The following P2RY6 variants were observed in gnomAD, a reference collection of about 807,000 sequenced individuals.
P2RY6 encodes P2Y purinoceptor 6.
A neutral mutation model predicts 16.3 loss-of-function variants in P2RY6; 19 were observed. The observed-to-expected ratio is 1.16, with a 90% CI of 0.81 to 1.71. The LOEUF is 1.71. P2RY6 is among the 40% of genes most tolerant of loss of function. The pLI is 0.00. For synonymous variants in P2RY6, 184 were observed against 201.5 expected (o/e 0.91, Z 0.74); for missense variants, 389 against 455.5 (o/e 0.85, Z 1.33).
intron 1 of P2RY6, among the ~76,000 whole-genome samples, chr11:73,267,098 C>T (rs964165085): frequency 2.6e-5 from 4 of 152,188 alleles, no homozygotes; most frequent in Non-Finnish European, 4.4e-5. Flanking sequence ...GTCTACAATT[C>T]GAACTCCAAC....
rs1241046199 is a variant in P2RY6, at chr11:73,296,243, T to A, written c.-34-242T>A. Among the ~76,000 whole-genome samples the A allele has an allele frequency of 1.1e-3, 159 of 142,196 alleles. 1 individual carries two copies. The highest frequency in any genetic ancestry group is 4.0e-3 in the African/African-American group (155 of 38,518). The allele number at this position is 142,196 out of a possible 152,430, so 93.3% of individuals were successfully genotyped here. On this transcript the variant is annotated intron_variant, in intron 2 of 2. Transcript: ENST00000540124. ...TGAAGGAAAAAAAAAAATATATATA[T>A]ATATATATATATATAATATATAAAC...
intron 1 of P2RY6, among the ~76,000 whole-genome samples, chr11:73,280,547 C>T (rs763739323): frequency 5.3e-5 from 8 of 152,160 alleles, no homozygotes; most frequent in Non-Finnish European, 1.0e-4. Flanking sequence ...ACCATCCCTC[C>T]ATGCCTGTGT....
chr11:73,289,841 T>C (rs112820713), intron 1 of P2RY6, among the ~76,000 whole-genome samples: 8 of 152,370 alleles, frequency 5.3e-5, no homozygotes, highest in African/African-American at 1.9e-4. Flanking sequence ...CCTTAGTTTC[T>C]TCGTCTATAA....
At chr11:73,280,737 C>T (rs1270323803) in intron 1 of P2RY6, among the ~76,000 whole-genome samples, 1 of 152,196 alleles carries the variant, frequency 6.6e-6, no homozygotes, top group Non-Finnish European at 1.5e-5. Context: ...GGAAACAGCA[C>T]TGACGAGGGG....
chr11:73,271,317 C>A (rs966954911), upstream of P2RY6, among the ~76,000 whole-genome samples: 1 of 152,134 alleles, frequency 6.6e-6, no homozygotes. Flanking sequence ...CAGGACGAGC[C>A]GCGGACAAAA....
At chr11:73,270,572 G>T (rs574854733), upstream of P2RY6, among the ~76,000 whole-genome samples, 48 of 152,312 alleles carry the variant, frequency 3.2e-4, no homozygotes, top group African/African-American at 1.1e-3. Flanking sequence ...TGGGTCCAGC[G>T]CCCTCTCGCC....
upstream of P2RY6, among the ~76,000 whole-genome samples, chr11:73,269,340 G>A (rs530319129): frequency 6.6e-6 from 1 of 152,260 alleles, no homozygotes; most frequent in East Asian, 1.9e-4. Flanking sequence ...AGCTGGGAGA[G>A]CCTGCGCCTG....
In P2RY6 at chr11:73,297,593, G is replaced by C; in HGVS notation, c.*88G>C. ...CAACCCCAAACCATGCGGAGAATTA[G>C]AGTTCAGCTCAGCTGGGCATGGAGT... On this transcript the variant is annotated 3_prime_UTR_variant, in exon 3 of 3. Transcript: ENST00000540124. 9.5e-7 allele frequency: 1 copy of C among 1,050,990 alleles called. No individual in the cohort carries two copies. The highest frequency in any genetic ancestry group is 1.4e-6 in the Non-Finnish European group (1 of 713,222). 65.1% of individuals were successfully genotyped at this position (1,050,990 alleles called of 1,614,324 possible).
At chr11:73,286,768 T>TCTGACA (rs1863990312) in intron 1 of P2RY6, among the ~76,000 whole-genome samples, 1 of 151,556 alleles carries the variant, frequency 6.6e-6, no homozygotes, top group African/African-American at 2.4e-5. Flanking sequence ...AGGGAGGGAG[T>TCTGACA]CTGACACCGC....
At chr11:73,285,148 G>T (rs1863919019) in intron 1 of P2RY6, among the ~76,000 whole-genome samples, 1 of 152,188 alleles carries the variant, frequency 6.6e-6, no homozygotes, top group South Asian at 2.1e-4. Context: ...ATAGCTCACT[G>T]CAGCCTTGGC....
chr11:73,286,622 G>A (rs1253490873), intron 1 of P2RY6, among the ~76,000 whole-genome samples: 4 of 151,030 alleles, frequency 2.6e-5, no homozygotes, highest in Non-Finnish European at 5.9e-5. Flanking sequence ...ACAGAGCCCC[G>A]GCGCTCATCT....
Position 73,297,908 on chromosome 11 carries a change from G to A in P2RY6, c.*403G>A, listed in dbSNP as rs1180711379. ...GGAAGGGGCATTTGAGCTGGGTTTT[G>A]AGGGATGATTATGAGCTCTCTGGAG... On this transcript the variant is annotated 3_prime_UTR_variant, in exon 3 of 3. Coordinates refer to ENST00000540124, the MANE Select transcript of P2RY6 (RefSeq NM_001277204.2). The A allele has an allele frequency of 1.3e-5, 3 of 224,408 alleles. No individual in the cohort carries two copies. The highest frequency in any genetic ancestry group is 4.6e-5 in the African/African-American group (2 of 43,216). 13.9% of individuals were successfully genotyped at this position (224,408 alleles called of 1,614,324 possible). A position where few individuals can be genotyped will look rare whatever the true frequency, so the allele number is the denominator to read the frequency against.
chr11:73,278,420 T>C (rs1863630299), intron 1 of P2RY6, among the ~76,000 whole-genome samples: 1 of 152,108 alleles, frequency 6.6e-6, no homozygotes, highest in Non-Finnish European at 1.5e-5. Flanking sequence ...CGCCTAGGCC[T>C]CCCAAAATGC....
At chr11:73,269,087 C>T (rs1313056769), upstream of P2RY6, among the ~76,000 whole-genome samples, 1 of 152,162 alleles carries the variant, frequency 6.6e-6, no homozygotes, top group Non-Finnish European at 1.5e-5. Flanking sequence ...GGCGGCAGGG[C>T]CTCGGGGGTA....
chr11:73,266,031 A>G (rs1018467064), intron 1 of P2RY6, among the ~76,000 whole-genome samples: 1 of 152,346 alleles, frequency 6.6e-6, no homozygotes, highest in East Asian at 1.9e-4. Context: ...TGACAAAACT[A>G]TGATGATAGT....
In P2RY6 at chr11:73,297,265, C is replaced by T. The variant is rs755937132; in HGVS notation, c.747C>T (p.Ala249=). Reference sequence around the variant, plus strand: ...CCGTGGTGGTGGCTGCTGCCTTTGCCATCAGCTTCCTGCCTTTTCACATCA... The same window carrying T: ...CCGTGGTGGTGGCTGCTGCCTTTGCTATCAGCTTCCTGCCTTTTCACATCA... ...RMAVVVAAAF[A]ISFLPFHITK... is the part of the protein sequence containing the mutation. Residue 249 remains alanine, a synonymous_variant, in exon 3 of 3, where the codon GCC becomes GCT. Coordinates refer to ENST00000540124, the MANE Select transcript of P2RY6 (RefSeq NM_001277204.2). The T allele has an allele frequency of 5.0e-6, 8 of 1,606,984 alleles. No homozygotes were observed. The South Asian group carries it at 8.8e-5, about 18-fold the overall frequency.
intron 1 of P2RY6, among the ~76,000 whole-genome samples, chr11:73,274,540 C>CA (rs59442426): frequency 0.043 from 2,940 of 68,106 alleles, 50 homozygotes; most frequent in Middle Eastern, 0.064. Flanking sequence ...GAGACTGTCT[C>CA]AAAAAAAAAA....
chr11:73,281,357 G>A (rs1457344903), intron 1 of P2RY6, among the ~76,000 whole-genome samples: 1 of 152,218 alleles, frequency 6.6e-6, no homozygotes, highest in Non-Finnish European at 1.5e-5. Flanking sequence ...CCCACCCTGG[G>A]AAAGCCAGTG....
At chr11:73,293,795 G>A (rs924504252) in intron 1 of P2RY6, among the ~76,000 whole-genome samples, 84 of 152,164 alleles carry the variant, frequency 5.5e-4, no homozygotes, top group African/African-American at 2.0e-3. Context: ...TCACCAGGGT[G>A]TGGGAGCGGC....
Sources: allele counts gnomAD v4.1 joint callset (sites outside exome capture counted in the v4.1 genomes callset), GRCh38; gene constraint gnomAD v4.1.1; transcripts MANE v1.5; gene names NCBI Gene and HGNC (gene_info 2026-07-23, HGNC 2026-07-21).